Variants in ABHD2 observed in about 807,000 individuals in gnomAD.
The protein encoded by ABHD2 is abhydrolase domain containing 2, acylglycerol lipase.
ABHD2 carries 20 observed loss-of-function variants against 48.1 expected under a neutral mutation model. The observed-to-expected ratio is 0.42, with a 90% confidence interval of 0.29 to 0.60. The LOEUF (loss-of-function observed/expected upper bound fraction) is 0.60. ABHD2 is among the 20% of genes least tolerant of loss of function. The pLI is 0.24. For missense variants in ABHD2, 405 were observed against 550.9 expected, an observed-to-expected ratio of 0.74 and a Z score of 2.65; for synonymous variants, 209 against 214.2, an observed-to-expected ratio of 0.98 and a Z score of 0.21.
chr15:89,108,436 A>T (rs2049821652), intron 1 of ABHD2, among the ~76,000 whole-genome samples: 1 of 151,948 alleles, frequency 6.6e-6, no homozygotes, highest in Admixed American at 6.6e-5. Context: ...TGGGGTTAGG[A>T]CTCCCTCCAA....
In ABHD2 at chr15:89,153,406, A is replaced by G. The variant is rs186252982; in HGVS notation, c.370+1554A>G. 1.7e-3 allele frequency among the ~76,000 whole-genome samples: 257 copies of G among 152,290 alleles called. 1 individual carries two copies. Among genetic ancestry groups the G allele is most frequent in the African/African-American group, 6.0e-3 (250 of 41,568 alleles). Reference sequence around the variant, plus strand: ...TCTGTAGCTGGTTTTTCCAATAGTTATTTATTCACCATACCCAGTTAAATG... The same window carrying G: ...TCTGTAGCTGGTTTTTCCAATAGTTGTTTATTCACCATACCCAGTTAAATG... On this transcript the variant is annotated intron_variant, in intron 4 of 10. Coordinates refer to ENST00000352732, the MANE Select transcript of ABHD2 (RefSeq NM_152924.5).
chr15:89,042,472 T>G, the ABHD2 span, among the ~76,000 whole-genome samples: 1 of 152,154 alleles, frequency 6.6e-6, no homozygotes, highest in Non-Finnish European at 1.5e-5. Context: ...TTATCTCTTC[T>G]AAATCCTTAC....
intron 1 of ABHD2, among the ~76,000 whole-genome samples, chr15:89,109,546 A>G (rs1204856170): frequency 1.3e-5 from 2 of 151,892 alleles, no homozygotes; most frequent in South Asian, 4.2e-4. Context: ...TCTTTTCCCT[A>G]TCTAGGCTGC....
At chr15:89,191,442 G>A (rs2051303640) in intron 9 of ABHD2, among the ~76,000 whole-genome samples, 2 of 152,056 alleles carry the variant, frequency 1.3e-5, no homozygotes, top group South Asian at 4.1e-4. Context: ...AATCCTGTCT[G>A]GTTTCTGCCA....
rs1354927268 is a variant in ABHD2, at chr15:89,186,980, G to A, written c.816-1213G>A. ...GAGACTTATGTCCCCTGTGCTGGCT[G>A]GAAAATCAGCTGTTCCCACTTGGCT... On this transcript the variant is annotated intron_variant, in intron 7 of 10. Coordinates refer to ENST00000352732, the MANE Select transcript of ABHD2 (RefSeq NM_152924.5). The surrounding 1 kb of genome is among the most constrained non-coding windows in gnomAD (Gnocchi z 4.3). Among the ~76,000 whole-genome samples the A allele has an allele frequency of 6.6e-6, 1 of 152,204 alleles. No individual in the cohort carries two copies. The highest frequency in any genetic ancestry group is 1.5e-5 in the Non-Finnish European group (1 of 68,036).
chr15:89,123,632 C>T (rs1442867866), intron 3 of ABHD2, among the ~76,000 whole-genome samples: 1 of 111,412 alleles, frequency 9.0e-6, no homozygotes, highest in Non-Finnish European at 1.7e-5. Flanking sequence ...ATGTCTCACT[C>T]TATTACCCAG....
intron 5 of ABHD2, among the ~76,000 whole-genome samples, chr15:89,172,033 T>TTAA (rs773930096): frequency 1.3e-5 from 2 of 150,510 alleles, no homozygotes; most frequent in African/African-American, 4.9e-5. Context: ...GCTTTTTTTT[T>TTAA]AAAAAAAATC....
chr15:89,147,028 G>A (rs1043804624), intron 3 of ABHD2, among the ~76,000 whole-genome samples: 2 of 152,178 alleles, frequency 1.3e-5, no homozygotes, highest in African/African-American at 2.4e-5. Context: ...ATCTCATAAA[G>A]CTATATTAAT....
intron 5 of ABHD2, among the ~76,000 whole-genome samples, chr15:89,162,178 C>G (rs1404915161): frequency 6.6e-6 from 1 of 152,184 alleles, no homozygotes; most frequent in African/African-American, 2.4e-5. Flanking sequence ...GGGAGAGACA[C>G]TATTCAGCCC....
intron 1 of ABHD2, among the ~76,000 whole-genome samples, chr15:89,095,902 C>T (rs1302311041): frequency 1.3e-5 from 2 of 152,146 alleles, no homozygotes; most frequent in Admixed American, 1.3e-4. Context: ...AAGGTGCACC[C>T]ACGTCGTCTC....
intron 3 of ABHD2, chr15:89,135,912 C>G: frequency 5.1e-6 from 3 of 582,530 alleles, no homozygotes; most frequent in Non-Finnish European, 9.4e-6. Flanking sequence ...CTTGGGTGCA[C>G]TGGGATCCTT....
Position 89,092,598 on chromosome 15 carries a change from A to G in ABHD2, c.-107+4035A>G, listed in dbSNP as rs929609402. The stretch of plus-strand genomic sequence containing the variant: ...CATCTGTGTGTACCCCTGACCCCTG[A>G]TCCTCAGAGGCAACCAGTATTAGCG... On this transcript the variant is annotated intron_variant, in intron 1 of 10. Transcript: ENST00000352732. This position sits in a 1 kb window ranked among gnomAD's most constrained non-coding sequence, Gnocchi z 4.4. 7.2e-5 allele frequency among the ~76,000 whole-genome samples: 11 copies of G among 152,216 alleles called. No homozygotes were observed. The highest frequency in any genetic ancestry group is 2.2e-4 in the African/African-American group (9 of 41,448).
intron 9 of ABHD2, among the ~76,000 whole-genome samples, chr15:89,192,587 A>T (rs1171809147): frequency 1.3e-5 from 2 of 151,250 alleles, no homozygotes; most frequent in African/African-American, 2.4e-5. Flanking sequence ...ATAGTTCACC[A>T]CAGCTCTGAA....
intron 3 of ABHD2, among the ~76,000 whole-genome samples, chr15:89,142,053 A>G (rs896532723): frequency 9.2e-5 from 14 of 152,228 alleles, no homozygotes; most frequent in African/African-American, 3.1e-4. Flanking sequence ...GTCTGTCCTT[A>G]TCATGTTTGT....
At chr15:89,043,839 C>T in the ABHD2 span, among the ~76,000 whole-genome samples, 1 of 151,908 alleles carries the variant, frequency 6.6e-6, no homozygotes, top group African/African-American at 2.4e-5. Flanking sequence ...TTGATATATT[C>T]ATCTATGAGT....
the ABHD2 span, among the ~76,000 whole-genome samples, chr15:89,067,642 A>C: frequency 1.6e-4 from 25 of 152,178 alleles, no homozygotes; most frequent in African/African-American, 4.8e-4. Flanking sequence ...ACATTATGTC[A>C]GCCATGCAAG....
At chr15:89,112,916 T>C (rs1222642918) in intron 1 of ABHD2, among the ~76,000 whole-genome samples, 2 of 152,302 alleles carry the variant, frequency 1.3e-5, no homozygotes, top group Admixed American at 6.5e-5. Flanking sequence ...TAAAATGGGG[T>C]AATAATAGCA....
rs71464446 is a variant in ABHD2, at chr15:89,127,706, C to CATATATATATAT, written c.194+11187_194+11198dup. Among the ~76,000 whole-genome samples the CATATATATATAT allele has an allele frequency of 5.4e-3, 694 of 129,672 alleles. 46 individuals are homozygous for CATATATATATAT. Among genetic ancestry groups the CATATATATATAT allele is most frequent in the African/African-American group, 0.023 (641 of 27,742 alleles). The allele number at this position is 129,672 out of a possible 152,430, so 85.1% of individuals were successfully genotyped here. A position where few individuals can be genotyped will look rare whatever the true frequency, so the allele number is the denominator to read the frequency against. On this transcript the variant is annotated intron_variant, in intron 3 of 10. Transcript: ENST00000352732. The stretch of plus-strand genomic sequence containing the variant: ...TCTTCTCAGTGAATATATATATATA[C>CATATATATATAT]ATATATATATATACACATATATATA...
the ABHD2 span, among the ~76,000 whole-genome samples, chr15:89,058,183 G>T: frequency 6.6e-6 from 1 of 152,178 alleles, no homozygotes; most frequent in Non-Finnish European, 1.5e-5. Flanking sequence ...CCTCCTTGGA[G>T]ATCCATTCCC....
Sources: allele counts gnomAD v4.1 joint callset (sites outside exome capture counted in the v4.1 genomes callset), GRCh38; gene constraint gnomAD v4.1.1; non-coding constraint Gnocchi (gnomAD v3.1); transcripts MANE v1.5; gene names NCBI Gene and HGNC (gene_info 2026-07-23, HGNC 2026-07-21).